Variants in PAPPA2 observed in about 807,000 individuals in gnomAD.
The protein encoded by PAPPA2 is pappalysin-2.
PAPPA2 carries 86 observed loss-of-function variants against 176.4 expected under a neutral mutation model. The ratio of observed to expected loss-of-function variants is 0.49; its 90% CI spans 0.41 to 0.58. The LOEUF is 0.58. Among genes scored for constraint, PAPPA2 ranks in the 20% least tolerant of loss-of-function variants. PAPPA2 has a pLI of 0.00. For missense variants in PAPPA2, 2,073 were observed against 2,256.9 expected (o/e 0.92, Z 1.65); for synonymous variants, 809 against 852.2 (o/e 0.95, Z 0.88).
chr1:176,537,866 C>T (rs901228031), intron 1 of PAPPA2, among the ~76,000 whole-genome samples: 2 of 152,048 alleles, frequency 1.3e-5, no homozygotes, highest in African/African-American at 4.8e-5. Flanking sequence ...ACTTGGACTT[C>T]TGTTGCTTCT....
intron 2 of PAPPA2, among the ~76,000 whole-genome samples, chr1:176,584,775 C>T (rs1183074572): frequency 6.6e-6 from 1 of 151,942 alleles, no homozygotes; most frequent in African/African-American, 2.4e-5. Flanking sequence ...TGCTCTGTCA[C>T]CCAGGTTGGA....
Position 176,557,260 on chromosome 1 carries a change from G to A in PAPPA2, c.919+19G>A, listed in dbSNP as rs1460259475. 3 of 1,548,520 alleles carry A rather than the reference G, an allele frequency of 1.9e-6. No homozygotes were observed. The highest frequency in any genetic ancestry group is 8.7e-7 in the Non-Finnish European group (1 of 1,147,616). On this transcript the variant is annotated intron_variant, in intron 2 of 22. Coordinates refer to ENST00000367662, the MANE Select transcript of PAPPA2 (RefSeq NM_020318.3). ...ATCGCAGGTAACACCCTTCTCCTGG[G>A]CTTTCTGAAATCCTGAGGGTATGGC...
At chr1:176,709,530 C>T (rs777260546) in intron 10 of PAPPA2, among the ~76,000 whole-genome samples, 8 of 152,108 alleles carry the variant, frequency 5.3e-5, no homozygotes, top group Admixed American at 4.6e-4. Context: ...ACAAACCCCC[C>T]GTGATACTTT....
chr1:176,625,606 C>A (rs1314909177), intron 3 of PAPPA2, among the ~76,000 whole-genome samples: 1 of 152,150 alleles, frequency 6.6e-6, no homozygotes, highest in East Asian at 1.9e-4. Flanking sequence ...GATTATAATT[C>A]CCCATCTTAA....
rs552523498 is a variant in PAPPA2, at chr1:176,690,438, C to T, written c.2431+8C>T. On this transcript the variant is annotated splice_region_variant and intron_variant, in intron 5 of 22. Coordinates refer to ENST00000367662, the MANE Select transcript of PAPPA2 (RefSeq NM_020318.3). Reference sequence around the variant, plus strand: ...ACTACATGAGCTACACGGGTATCACCACTGTCTTGTTTTGTTTTCTGTTAA... The same window carrying T: ...ACTACATGAGCTACACGGGTATCACTACTGTCTTGTTTTGTTTTCTGTTAA... 6.2e-7 allele frequency: 1 copy of T among 1,611,356 alleles called. No homozygotes were observed. The highest frequency in any genetic ancestry group is 8.5e-7 in the Non-Finnish European group (1 of 1,177,720).
intron 1 of PAPPA2, among the ~76,000 whole-genome samples, chr1:176,511,739 G>A (rs1465132856): frequency 6.6e-6 from 1 of 152,126 alleles, no homozygotes; most frequent in Admixed American, 6.6e-5. Context: ...TGCTCTCTCT[G>A]CTTTAGCTTG....
In PAPPA2 at chr1:176,595,092, C is replaced by T. The variant is rs1435634705; in HGVS notation, c.1488C>T (p.Pro496=). 8.7e-6 allele frequency: 14 copies of T among 1,613,992 alleles called. No homozygotes were observed. Among genetic ancestry groups the T allele is most frequent in the Non-Finnish European group, 1.2e-5 (14 of 1,180,006 alleles). ...PEPEILSPLQ[P]PLCGQTVCDN... is the part of the protein sequence containing the mutation. Reference sequence around the variant, plus strand: ...CTGAGATTCTGTCGCCTTTGCAGCCCCCACTCTGTGGGCAAACAGTCTGTG... The same window carrying T: ...CTGAGATTCTGTCGCCTTTGCAGCCTCCACTCTGTGGGCAAACAGTCTGTG... Residue 496 remains proline, a synonymous_variant, in exon 3 of 23, where the codon CCC becomes CCT. Transcript: ENST00000367662.
intron 12 of PAPPA2, among the ~76,000 whole-genome samples, chr1:176,719,988 T>G (rs778131768): frequency 6.6e-6 from 1 of 152,244 alleles, no homozygotes; most frequent in Non-Finnish European, 1.5e-5. Context: ...CATTTGTTAT[T>G]CACATGGTGA....
chr1:176,736,685 G>A (rs1381259495), intron 12 of PAPPA2, among the ~76,000 whole-genome samples: 1 of 150,462 alleles, frequency 6.6e-6, no homozygotes, highest in Non-Finnish European at 1.5e-5. Flanking sequence ...TTTCTAAATT[G>A]CAGTGCCAAT....
chr1:176,576,690 A>G (rs1238515728), intron 2 of PAPPA2, among the ~76,000 whole-genome samples: 2 of 152,206 alleles, frequency 1.3e-5, no homozygotes, highest in Admixed American at 1.3e-4. Flanking sequence ...ATTCAGCAGC[A>G]TCAGTTTCTC....
chr1:176,478,279 C>T (rs572041462), intron 1 of PAPPA2, among the ~76,000 whole-genome samples: 72 of 152,298 alleles, frequency 4.7e-4, no homozygotes, highest in African/African-American at 1.6e-3. Flanking sequence ...TAAAAAATTC[C>T]TTTTAAAAAT....
intron 21 of PAPPA2, among the ~76,000 whole-genome samples, chr1:176,834,998 G>T (rs1208731879): frequency 6.6e-6 from 1 of 151,984 alleles, no homozygotes; most frequent in African/African-American, 2.4e-5. Flanking sequence ...AAGCTATGGG[G>T]GTCCAGAGGA....
intron 18 of PAPPA2, 55 bp downstream of exon 18, chr1:176,790,032 C>G: frequency 6.5e-7 from 1 of 1,548,268 alleles, no homozygotes; most frequent in Non-Finnish European, 8.8e-7. Flanking sequence ...ATCTTGATGC[C>G]CAATCCAAGA....
chr1:176,514,649 T>C (rs1380196119), intron 1 of PAPPA2, among the ~76,000 whole-genome samples: 1 of 152,230 alleles, frequency 6.6e-6, no homozygotes, highest in East Asian at 1.9e-4. Flanking sequence ...CAATAACATT[T>C]TGACAAATTA....
rs1653876543 is a variant in PAPPA2 at position 176,594,899 on chromosome 1, C to T, written c.1295C>T (p.Ala432Val). The T allele has an allele frequency of 6.2e-7, 1 of 1,614,226 alleles. No homozygotes were observed. The highest frequency in any genetic ancestry group is 2.2e-5 in the East Asian group (1 of 44,866). The change falls in exon 3 of 23, where the codon GCC (alanine) becomes GTC (valine). Residue 432 changes from alanine to valine, a missense_variant. Ala to Val is a moderately conservative substitution (Grantham distance 64). Transcript: ENST00000367662. ...HLGTLVFWST[A>V]LPQSHFQHSS... ...GGCACACTGGTTTTCTGGTCGACCGCCCTGCCACAAAGCCATTTTCAGCAC... is the reference window on the plus strand; with the variant it reads ...GGCACACTGGTTTTCTGGTCGACCGTCCTGCCACAAAGCCATTTTCAGCAC...
chr1:176,541,676 T>C (rs1650372043), intron 1 of PAPPA2, among the ~76,000 whole-genome samples: 2 of 152,344 alleles, frequency 1.3e-5, no homozygotes, highest in Non-Finnish European at 2.9e-5. Context: ...CATTCCATTT[T>C]TGATATAAAC....
At chr1:176,787,307 T>C (rs1447516738) in intron 17 of PAPPA2, among the ~76,000 whole-genome samples, 1 of 151,888 alleles carries the variant, frequency 6.6e-6, no homozygotes, top group Non-Finnish European at 1.5e-5. Context: ...TGATCATAGC[T>C]CACTGCAGCC....
chr1:176,530,361 C>T (rs1194952916), intron 1 of PAPPA2, among the ~76,000 whole-genome samples: 1 of 152,138 alleles, frequency 6.6e-6, no homozygotes, highest in East Asian at 1.9e-4. Context: ...CTTTAACCCA[C>T]ACAGTTACTC....
At chr1:176,608,104 C>A (rs1313411743) in intron 3 of PAPPA2, among the ~76,000 whole-genome samples, 2 of 151,944 alleles carry the variant, frequency 1.3e-5, no homozygotes. Flanking sequence ...TTGAAGGAAA[C>A]CAGGTAAAAT....
Sources: gnomAD v4.1 joint callset for allele counts (sites outside exome capture counted in the v4.1 genomes callset) on GRCh38, gnomAD v4.1.1 for gene constraint, MANE v1.5 for transcripts, NCBI Gene and HGNC (gene_info 2026-07-23, HGNC 2026-07-21) for gene names.